The following CENPP variants were observed in gnomAD, a reference collection of about 807,000 sequenced individuals.
The protein encoded by CENPP is centromere protein P.
In CENPP, 24 loss-of-function variants were observed where a neutral mutation model predicts 35.6. That is an observed-to-expected ratio of 0.67 (90% CI 0.49 to 0.95). The LOEUF (loss-of-function observed/expected upper bound fraction) is 0.95. Among genes scored for constraint, CENPP ranks in the 40% least tolerant of loss-of-function variants. CENPP has a pLI of 0.00. For synonymous variants in CENPP, 120 were observed against 125.5 expected (o/e 0.96, Z 0.29); for missense variants, 332 against 345.3 (o/e 0.96, Z 0.31).
At chr9:92,598,231 G>A (rs1850826474) in intron 5 of CENPP, among the ~76,000 whole-genome samples, 1 of 152,186 alleles carries the variant, frequency 6.6e-6, no homozygotes, top group African/African-American at 2.4e-5. Flanking sequence ...CCAAGGGCAG[G>A]GGCCAGCTCT....
At chr9:92,381,394 C>G (rs1308923329) in intron 5 of CENPP, among the ~76,000 whole-genome samples, 1 of 151,868 alleles carries the variant, frequency 6.6e-6, no homozygotes, top group African/African-American at 2.4e-5. Context: ...AGGTGATCCT[C>G]CCACCTCAGC....
At chr9:92,478,863 A>C (rs1264773388) in intron 5 of CENPP, among the ~76,000 whole-genome samples, 1 of 152,150 alleles carries the variant, frequency 6.6e-6, no homozygotes, top group African/African-American at 2.4e-5. Flanking sequence ...ATGTAGAAAC[A>C]AAAAAACTAT....
At position 92,511,826 on chromosome 9, in the gene CENPP, T is replaced by C. The variant is rs369692586; in HGVS notation, c.565-99488T>C. 9.2e-5 allele frequency among the ~76,000 whole-genome samples: 14 copies of C among 152,212 alleles called. No homozygotes were observed. The East Asian group carries it at 1.9e-3, about 21-fold the overall frequency. ...TGTCCTTACAGCAAAGCTAAAAGTATGTAAAATAGTAAACTATATTCAAGG... is the reference window on the plus strand; with the variant it reads ...TGTCCTTACAGCAAAGCTAAAAGTACGTAAAATAGTAAACTATATTCAAGG... On this transcript the variant is annotated intron_variant, in intron 5 of 7. Transcript: ENST00000375587.
intron 5 of CENPP, among the ~76,000 whole-genome samples, chr9:92,451,577 C>T (rs550458865): frequency 1.3e-3 from 201 of 152,186 alleles, no homozygotes; most frequent in East Asian, 3.3e-3. Context: ...CTTGGCGATG[C>T]GGGCTCTTTT....
chr9:92,417,629 G>A (rs888321211), intron 5 of CENPP: 7 of 882,800 alleles, frequency 7.9e-6, no homozygotes, highest in Middle Eastern at 2.4e-4. Context: ...CTCAGAATAC[G>A]CTTTGTATAA....
chr9:92,579,465 CTT>C (rs1850365654), intron 5 of CENPP, among the ~76,000 whole-genome samples: 1 of 150,900 alleles, frequency 6.6e-6, no homozygotes, highest in African/African-American at 2.4e-5. Context: ...TTTGTATCCT[CTT>C]TTATTTCGTT....
At chr9:92,583,647 T>C (rs1194254359) in intron 5 of CENPP, among the ~76,000 whole-genome samples, 3 of 152,128 alleles carry the variant, frequency 2.0e-5, no homozygotes, top group Non-Finnish European at 4.4e-5. Context: ...TTCTTCTTTT[T>C]TGGAGGGTAG....
chr9:92,457,544 A>G, intron 5 of CENPP: 1 of 1,259,240 alleles, frequency 7.9e-7, no homozygotes, highest in South Asian at 1.3e-5. Context: ...AACGGAAGAT[A>G]CTCTGTAGTC....
chr9:92,552,764 G>A (rs1849643731), intron 5 of CENPP, among the ~76,000 whole-genome samples: 1 of 152,090 alleles, frequency 6.6e-6, no homozygotes, highest in Non-Finnish European at 1.5e-5. Flanking sequence ...TGTATAGATT[G>A]TGAGGATTTT....
chr9:92,403,755 CT>C, intron 5 of CENPP: 1 of 634,550 alleles, frequency 1.6e-6, no homozygotes, highest in Non-Finnish European at 2.0e-6. Flanking sequence ...TTGAAATATT[CT>C]TAGGATACCT....
At chr9:92,344,353 C>G (rs1163536617) in intron 3 of CENPP, among the ~76,000 whole-genome samples, 1 of 152,132 alleles carries the variant, frequency 6.6e-6, no homozygotes, top group Non-Finnish European at 1.5e-5. Context: ...GACCAAGAGA[C>G]CAGATGTGCT....
intron 5 of CENPP, among the ~76,000 whole-genome samples, chr9:92,452,493 C>T (rs978359788): frequency 9.2e-5 from 14 of 152,108 alleles, no homozygotes; most frequent in Admixed American, 4.6e-4. Context: ...CTGCTGGATT[C>T]GGTTTGCCAG....
chr9:92,615,775 C>T lies in CENPP; in HGVS notation c.*2626C>T, dbSNP rs1411968303. The T allele has an allele frequency of 1.4e-6, 2 of 1,383,748 alleles. No homozygotes were observed. Among genetic ancestry groups the T allele is most frequent in the African/African-American group, 1.4e-5 (1 of 70,402 alleles). 85.7% of individuals were successfully genotyped at this position (1,383,748 alleles called of 1,614,324 possible). ...GGTCACCCAACACAACAGAAAATAT[C>T]TCTATCATTCAGCCTTCACATTATG... is the stretch of plus-strand genomic sequence containing the variant. On this transcript the variant is annotated 3_prime_UTR_variant, in exon 8 of 8. Coordinates refer to ENST00000375587, the MANE Select transcript of CENPP (RefSeq NM_001012267.3).
At chr9:92,470,703 T>G in intron 5 of CENPP, 1 of 1,585,742 alleles carries the variant, frequency 6.3e-7, no homozygotes, top group South Asian at 1.2e-5. Flanking sequence ...ATCATTTTCT[T>G]TGATTTCCTT....
At chr9:92,378,666 A>G (rs887583105) in intron 4 of CENPP, among the ~76,000 whole-genome samples, 4 of 152,210 alleles carry the variant, frequency 2.6e-5, no homozygotes, top group African/African-American at 9.7e-5. Flanking sequence ...CATTTATCAA[A>G]TGAGTGATTA....
rs184269135 is a variant in CENPP at position 92,371,944 on chromosome 9, C to A, written c.468-7819C>A. Among the ~76,000 whole-genome samples the A allele has an allele frequency of 1.3e-3, 186 of 143,936 alleles. 1 individual carries two copies. Among genetic ancestry groups the A allele is most frequent in the African/African-American group, 4.7e-3 (183 of 39,156 alleles). The allele number at this position is 143,936 out of a possible 152,430, so 94.4% of individuals were successfully genotyped here. A position where few individuals can be genotyped will look rare whatever the true frequency, so the allele number is the denominator to read the frequency against. ...GCAGTAGCTCAATCCTGGCTCACTG[C>A]AAGCTTCACCTCCCGGGGTCAAGTG... On this transcript the variant is annotated intron_variant, in intron 4 of 7. Transcript: ENST00000375587.
intron 3 of CENPP, chr9:92,340,167 G>A (rs1241112509): frequency 6.5e-6 from 1 of 153,006 alleles, no homozygotes; most frequent in Non-Finnish European, 1.5e-5. Flanking sequence ...TGCCTCATAG[G>A]TTATGCGGAG....
intron 5 of CENPP, among the ~76,000 whole-genome samples, chr9:92,455,210 C>A (rs907654632): frequency 5.9e-5 from 9 of 152,116 alleles, no homozygotes; most frequent in Non-Finnish European, 8.8e-5. Context: ...TCAGCCTGGG[C>A]AACAAAGTGA....
intron 5 of CENPP, among the ~76,000 whole-genome samples, chr9:92,523,953 CCAA>C (rs1331801164): frequency 1.3e-5 from 2 of 152,182 alleles, no homozygotes; most frequent in Non-Finnish European, 2.9e-5. Context: ...AGCCTTTTCC[CCAA>C]CAACAATTTG....
Sources: gnomAD v4.1 joint callset for allele counts (sites outside exome capture counted in the v4.1 genomes callset) on GRCh38, gnomAD v4.1.1 for gene constraint, MANE v1.5 for transcripts, NCBI Gene and HGNC (gene_info 2026-07-23, HGNC 2026-07-21) for gene names.